The following DPP6 variants were observed in gnomAD, a reference collection of about 807,000 sequenced individuals.
DPP6 encodes the protein A-type potassium channel modulatory protein DPP6.
Under a neutral mutation model 122.6 loss-of-function variants are expected in DPP6, and 69 were observed. The observed-to-expected ratio is 0.56, with a 90% CI of 0.46 to 0.69. The LOEUF is 0.69. Ranked by LOEUF, DPP6 falls within the 30% of genes least tolerant of loss-of-function variation. The probability of loss-of-function intolerance (pLI) is 0.00; values close to 1 mark genes in which losing one functional copy is unlikely to be tolerated. For missense variants in DPP6, 928 were observed against 1,116.9 expected (o/e 0.83, Z 2.41); for synonymous variants, 418 against 433.1 (o/e 0.97, Z 0.43).
chr7:153,945,529 G>A (rs1010994457), intron 1 of DPP6, among the ~76,000 whole-genome samples: 1 of 152,158 alleles, frequency 6.6e-6, no homozygotes, highest in African/African-American at 2.4e-5. Context: ...GAAGGATAGA[G>A]GAAATGGTCT....
rs553132079 is a variant in DPP6, at chr7:154,852,474, GCTCTCCTGCCTCTCCTGCCTCTCCTGC to G, written c.1667-1298_1667-1272del. Among the ~76,000 whole-genome samples the G allele has an allele frequency of 2.9e-3, 406 of 139,170 alleles. 1 individual carries two copies. The highest frequency in any genetic ancestry group is 3.8e-3 in the Non-Finnish European group (248 of 65,640). The allele number at this position is 139,170 out of a possible 152,430, so 91.3% of individuals were successfully genotyped here. A position where few individuals can be genotyped will look rare whatever the true frequency, so the allele number is the denominator to read the frequency against. ...TGAGCCAAAGGGACAGGCTCTCCTG[GCTCTCCTGCCTCTCCTGCCTCTCCTGC>G]CTCTCCTCCCTCTCCTCCCTCTCCT... On this transcript the variant is annotated intron_variant, in intron 16 of 25. Coordinates refer to ENST00000377770, the MANE Select transcript of DPP6 (RefSeq NM_130797.4).
At chr7:154,698,073 A>G (rs7785528) in intron 7 of DPP6, among the ~76,000 whole-genome samples, 145,302 of 152,316 alleles carry the variant, frequency 0.95, 69,323 homozygotes, top group South Asian at 1. Context: ...CCCAGTATCT[A>G]AAATTACTAT....
chr7:154,517,550 G>A (rs148994363), intron 3 of DPP6, among the ~76,000 whole-genome samples: 5 of 152,192 alleles, frequency 3.3e-5, no homozygotes, highest in Admixed American at 6.5e-5. Context: ...GTATTCACAC[G>A]CAGTTGTTTC....
chr7:154,243,356 C>T (rs544674708), intron 1 of DPP6, among the ~76,000 whole-genome samples: 1 of 144,462 alleles, frequency 6.9e-6, no homozygotes, highest in African/African-American at 2.4e-5. Context: ...GATTTTAAGG[C>T]AGTTATAAAT....
chr7:154,079,057 G>C (rs1803795560), intron 1 of DPP6, among the ~76,000 whole-genome samples: 1 of 151,540 alleles, frequency 6.6e-6, no homozygotes, highest in Non-Finnish European at 1.5e-5. Flanking sequence ...AGGAGATGGA[G>C]ACCATCCTGG....
chr7:154,872,175 C>A (rs1274747686), intron 18 of DPP6, among the ~76,000 whole-genome samples: 2 of 152,188 alleles, frequency 1.3e-5, no homozygotes, highest in African/African-American at 4.8e-5. Flanking sequence ...TCTAGGCGGC[C>A]CCCTGTCTCC....
intron 2 of DPP6, among the ~76,000 whole-genome samples, chr7:154,446,961 G>A (rs765701460): frequency 1.9e-4 from 29 of 152,184 alleles, no homozygotes; most frequent in Non-Finnish European, 3.8e-4. Context: ...TAGGAATTTA[G>A]TAGCCAGAGA....
chr7:153,835,799 C>T, the DPP6 span, among the ~76,000 whole-genome samples: 300 of 152,232 alleles, frequency 2.0e-3, 1 homozygote, highest in East Asian at 0.022. Flanking sequence ...GGGGGTGTTA[C>T]GGAGGCAGAA....
At chr7:154,017,677 G>A (rs1194830322) in intron 1 of DPP6, among the ~76,000 whole-genome samples, 4 of 148,736 alleles carry the variant, frequency 2.7e-5, no homozygotes, top group East Asian at 2.0e-4. Context: ...TCCAGCCTGG[G>A]TGACAGAGTG....
chr7:154,245,306 T>C (rs1801902244), intron 1 of DPP6, among the ~76,000 whole-genome samples: 1 of 151,780 alleles, frequency 6.6e-6, no homozygotes. Flanking sequence ...AAGGAAAGAA[T>C]AGTAAAAGAT....
At position 154,052,763 on chromosome 7, in the gene DPP6, GGA is replaced by G. The variant is rs1563134909; in HGVS notation, c.-53_-52del. On this transcript the variant is annotated 5_prime_UTR_variant, in exon 1 of 26. Coordinates refer to ENST00000377770, the MANE Select transcript of DPP6 (RefSeq NM_130797.4). The surrounding 1 kb of genome is among the most constrained non-coding windows in gnomAD (Gnocchi z 4.8). Reference sequence around the variant, plus strand: ...TGGAGCGGGGTGGGGAGTGGGAACCGGAGAGAAAGCAAAATATTAAAAAGCCC... The same window carrying G: ...TGGAGCGGGGTGGGGAGTGGGAACCGGAGAAAGCAAAATATTAAAAAGCCC... The G allele has an allele frequency of 2.9e-6, 4 of 1,394,760 alleles. No individual in the cohort carries two copies. Among genetic ancestry groups the G allele is most frequent in the Non-Finnish European group, 2.8e-6 (3 of 1,057,748 alleles). The allele number at this position is 1,394,760 out of a possible 1,614,324, so 86.4% of individuals were successfully genotyped here. A position where few individuals can be genotyped will look rare whatever the true frequency, so the allele number is the denominator to read the frequency against.
chr7:154,082,341 T>C (rs1804075931), intron 1 of DPP6, among the ~76,000 whole-genome samples: 1 of 152,148 alleles, frequency 6.6e-6, no homozygotes, highest in East Asian at 1.9e-4. Context: ...TACATCCTAA[T>C]TTATAGAGGA....
chr7:154,824,268 TTTTG>T (rs146035535), intron 16 of DPP6, among the ~76,000 whole-genome samples: 117,836 of 151,416 alleles, frequency 0.78, 46,049 homozygotes, highest in Non-Finnish European at 0.82. Context: ...GTTGTTGTTG[TTTTG>T]TTTGTTTGTT....
intron 1 of DPP6, among the ~76,000 whole-genome samples, chr7:154,115,561 G>T (rs1806925627): frequency 6.6e-6 from 1 of 152,170 alleles, no homozygotes; most frequent in Non-Finnish European, 1.5e-5. Context: ...GATTGTCCAT[G>T]GGTGGGGTCT....
upstream of DPP6, among the ~76,000 whole-genome samples, chr7:154,052,101 C>T (rs1417729695): frequency 8.8e-6 from 1 of 113,098 alleles, no homozygotes; most frequent in African/African-American, 2.9e-5. The surrounding 1 kb of genome is among the most constrained non-coding windows in gnomAD (Gnocchi z 4.8). Flanking sequence ...GCACCGTCCG[C>T]TCGCGTGCTG....
At chr7:153,862,049 A>G in the DPP6 span, among the ~76,000 whole-genome samples, 129 of 152,344 alleles carry the variant, frequency 8.5e-4, no homozygotes, top group Middle Eastern at 3.4e-3. Flanking sequence ...TTGAGAATTT[A>G]CATGTGGAAG....
At chr7:153,872,796 T>C in the DPP6 span, among the ~76,000 whole-genome samples, 6 of 152,330 alleles carry the variant, frequency 3.9e-5, no homozygotes, top group East Asian at 1.2e-3. Context: ...CAATTATACC[T>C]GTACTGTCTC....
rs754648778 is a variant in DPP6 at position 153,887,660 on chromosome 7, A to G, written c.-24A>G. ...TTAAGTTTCTCTTCCCTGGACCAGA[A>G]GTCGGGTTCGGACTTGGGGCAAAAT... On this transcript the variant is annotated 5_prime_UTR_variant, in exon 1 of 26. Coordinates refer to the DPP6 transcript ENST00000404039. 1.9e-6 allele frequency: 3 copies of G among 1,613,664 alleles called. No individual in the cohort carries two copies. The South Asian group carries it at 3.3e-5, about 18-fold the overall frequency.
chr7:154,222,556 G>A (rs2150832133), intron 1 of DPP6, among the ~76,000 whole-genome samples: 1 of 148,988 alleles, frequency 6.7e-6, no homozygotes, highest in Admixed American at 6.6e-5. Flanking sequence ...TCAGGAGGCT[G>A]AGGCAGGAGA....
Sources: allele counts gnomAD v4.1 joint callset (sites outside exome capture counted in the v4.1 genomes callset), GRCh38; gene constraint gnomAD v4.1.1; non-coding constraint Gnocchi (gnomAD v3.1); transcripts MANE v1.5; gene names NCBI Gene and HGNC (gene_info 2026-07-23, HGNC 2026-07-21).